Variants in SARNP observed in about 807,000 individuals in gnomAD.
The protein encoded by SARNP is SAP domain-containing ribonucleoprotein.
SARNP carries 5 observed loss-of-function variants against 38.1 expected under a neutral mutation model. The observed-to-expected ratio is 0.13, with a 90% confidence interval of 0.07 to 0.28. SARNP has a LOEUF of 0.28. Ranked by LOEUF, SARNP falls within the 10% of genes least tolerant of loss-of-function variation. The probability of loss-of-function intolerance (pLI) is 1.00; values close to 1 mark genes in which losing one functional copy is unlikely to be tolerated. For missense variants in SARNP, 180 were observed against 243.9 expected, an observed-to-expected ratio of 0.74 and a Z score of 1.75; for synonymous variants, 84 against 80.6, an observed-to-expected ratio of 1.04 and a Z score of -0.23.
chr12:55,800,781 T>C, intron 3 of SARNP, 73 bp downstream of exon 3: 13 of 1,374,588 alleles, frequency 9.5e-6, no homozygotes, highest in Non-Finnish European at 1.2e-5. Flanking sequence ...AGTCCTCCAA[T>C]GACTGATGTT....
intron 1 of SARNP, among the ~76,000 whole-genome samples, chr12:55,816,490 G>C (rs1880489427): frequency 6.6e-6 from 1 of 152,016 alleles, no homozygotes; most frequent in Non-Finnish European, 1.5e-5. Context: ...CCAAGAGTAA[G>C]AAAAACATCA....
At chr12:55,804,827 A>ACCTTTTTGATTG (rs1320063110) in intron 1 of SARNP, among the ~76,000 whole-genome samples, 1 of 152,108 alleles carries the variant, frequency 6.6e-6, no homozygotes, top group Admixed American at 6.6e-5. Flanking sequence ...TTTGTTTTGG[A>ACCTTTTTGATTG]GTACAGATCT....
chr12:55,757,323 C>A lies in SARNP; in HGVS notation c.*189G>T. 2.4e-6 allele frequency: 1 copy of A among 416,060 alleles called. No individual in the cohort carries two copies. The highest frequency in any genetic ancestry group is 4.2e-5 in the Admixed American group (1 of 23,688). 25.8% of individuals were successfully genotyped at this position (416,060 alleles called of 1,614,324 possible). ...AGCAACATAATCAAAAACAAAAACA[C>A]AACAACCTTAAAGCTGAAACAGCAA... On this transcript the variant is annotated 3_prime_UTR_variant, in exon 11 of 11. Transcript: ENST00000336133.
intron 4 of SARNP, among the ~76,000 whole-genome samples, chr12:55,799,091 T>C (rs1879903641): frequency 2.0e-5 from 3 of 152,160 alleles, no homozygotes; most frequent in Admixed American, 6.6e-5. Flanking sequence ...CATACATACA[T>C]ATACACATGT....
intron 4 of SARNP, among the ~76,000 whole-genome samples, chr12:55,799,156 T>G (rs576060251): frequency 2.6e-4 from 40 of 152,354 alleles, no homozygotes; most frequent in African/African-American, 9.1e-4. Flanking sequence ...AAAACCTCAG[T>G]AAAGTCAGAT....
intron 1 of SARNP, among the ~76,000 whole-genome samples, chr12:55,816,948 T>A (rs977329963): frequency 6.6e-6 from 1 of 152,106 alleles, no homozygotes; most frequent in African/African-American, 2.4e-5. Flanking sequence ...GAATTGTTTT[T>A]CCCAAATATT....
chr12:55,797,394 G>A (rs1217109563), intron 4 of SARNP, among the ~76,000 whole-genome samples: 1 of 152,132 alleles, frequency 6.6e-6, no homozygotes, highest in Non-Finnish European at 1.5e-5. Context: ...TGAAGAAGGG[G>A]ATCTCCTTTT....
chr12:55,793,319 T>C (rs985020684), intron 7 of SARNP: 1 of 152,144 alleles, frequency 6.6e-6, no homozygotes, highest in South Asian at 2.1e-4. Context: ...ATTACAAAAG[T>C]GATACATATT....
intron 9 of SARNP, among the ~76,000 whole-genome samples, chr12:55,788,500 T>C (rs1879570779): frequency 6.6e-6 from 1 of 152,030 alleles, no homozygotes; most frequent in Non-Finnish European, 1.5e-5. Flanking sequence ...CCAACAGAAA[T>C]ATAGACCATA....
chr12:55,789,471 A>G (rs1220335512), intron 8 of SARNP, among the ~76,000 whole-genome samples: 3 of 152,150 alleles, frequency 2.0e-5, no homozygotes, highest in Admixed American at 1.3e-4. Flanking sequence ...ACCATTCACA[A>G]TCCAAAATCA....
chr12:55,799,396 G>A (rs1404771261), intron 4 of SARNP, among the ~76,000 whole-genome samples: 2 of 152,088 alleles, frequency 1.3e-5, no homozygotes, highest in Non-Finnish European at 2.9e-5. Context: ...CACCCTTGTG[G>A]AACAGTTTAA....
At chr12:55,789,935 C>G (rs536327348) in intron 8 of SARNP, among the ~76,000 whole-genome samples, 1 of 136,724 alleles carries the variant, frequency 7.3e-6, no homozygotes, top group African/African-American at 2.7e-5. Context: ...AAGAATGAAA[C>G]TCCGTCTCAA....
At chr12:55,806,106 G>A (rs1880132780) in intron 1 of SARNP, among the ~76,000 whole-genome samples, 1 of 151,640 alleles carries the variant, frequency 6.6e-6, no homozygotes, top group African/African-American at 2.4e-5. Context: ...AGAGTGACTG[G>A]AGAGCATAGC....
chr12:55,803,379 G>A lies in SARNP; in HGVS notation c.136+250C>T, dbSNP rs1198674284. On this transcript the variant is annotated intron_variant, in intron 2 of 10. Coordinates refer to ENST00000336133, the MANE Select transcript of SARNP (RefSeq NM_033082.4). Reference sequence around the variant, plus strand: ...CTCGCCTGTAGTCCCAGCTGCTTGGGAGGCTGAGACAGGAGAATTGGTTGA... The same window carrying A: ...CTCGCCTGTAGTCCCAGCTGCTTGGAAGGCTGAGACAGGAGAATTGGTTGA... 3.9e-5 allele frequency among the ~76,000 whole-genome samples: 6 copies of A among 152,022 alleles called. No homozygotes were observed. The East Asian group carries it at 7.7e-4, about 20-fold the overall frequency.
intron 9 of SARNP, among the ~76,000 whole-genome samples, chr12:55,783,640 A>C (rs954303830): frequency 6.6e-6 from 1 of 152,184 alleles, no homozygotes; most frequent in African/African-American, 2.4e-5. Flanking sequence ...GTAGTGCCTG[A>C]TATGTGTATA....
At chr12:55,777,943 G>C (rs570935468) in intron 9 of SARNP, among the ~76,000 whole-genome samples, 33 of 152,282 alleles carry the variant, frequency 2.2e-4, no homozygotes, top group African/African-American at 7.7e-4. Flanking sequence ...AACAGCAGTT[G>C]AATGGCACAC....
At chr12:55,773,960 G>A (rs1879086109) in intron 9 of SARNP, among the ~76,000 whole-genome samples, 2 of 151,884 alleles carry the variant, frequency 1.3e-5, no homozygotes. Context: ...CACCCGCCTT[G>A]GCCTCCCAAA....
In SARNP at chr12:55,794,884, A is replaced by G; in HGVS notation, c.304-4T>C. On this transcript the variant is annotated splice_polypyrimidine_tract_variant and splice_region_variant and intron_variant, in intron 5 of 10. Coordinates refer to ENST00000336133, the MANE Select transcript of SARNP (RefSeq NM_033082.4). ...GTTCAGCCCTCTTCTGCATTCTCTA[A>G]GTAAAAATAGACAAAAGGGAGAAAA... The G allele has an allele frequency of 6.3e-7, 1 of 1,586,168 alleles. No individual in the cohort carries two copies. Among genetic ancestry groups the G allele is most frequent in the Non-Finnish European group, 8.6e-7 (1 of 1,158,180 alleles).
At chr12:55,766,794 T>C (rs1878850550) in intron 9 of SARNP, among the ~76,000 whole-genome samples, 1 of 152,076 alleles carries the variant, frequency 6.6e-6, no homozygotes, top group South Asian at 2.1e-4. Context: ...AACTAATTTT[T>C]GTTTTTTTGT....
Sources: allele counts gnomAD v4.1 joint callset (sites outside exome capture counted in the v4.1 genomes callset), GRCh38; gene constraint gnomAD v4.1.1; transcripts MANE v1.5; gene names NCBI Gene and HGNC (gene_info 2026-07-23, HGNC 2026-07-21).